The following ACTR3C variants were observed in gnomAD, a reference collection of about 807,000 sequenced individuals.
ACTR3C encodes actin-related protein 3C.
ACTR3C carries 18 observed loss-of-function variants against 26.3 expected under a neutral mutation model. The observed-to-expected ratio is 0.68, with a 90% CI of 0.47 to 1.01. The LOEUF (loss-of-function observed/expected upper bound fraction) is 1.01, where lower values mean the gene tolerates loss of function less well. Ranked by LOEUF, ACTR3C falls within the 50% of genes least tolerant of loss-of-function variation. The pLI is 0.00. For synonymous variants in ACTR3C, 55 were observed against 94.5 expected, an observed-to-expected ratio of 0.58 and a Z score of 2.42; for missense variants, 184 against 250.7, an observed-to-expected ratio of 0.73 and a Z score of 1.80.
At position 150,276,519 on chromosome 7, in the gene ACTR3C, A is replaced by G. The variant is rs1342092087; in HGVS notation, c.564+8234T>C. ...AGATTGCAATCCCAGCGAAGTCTGAACAAATCTATGTCTAAAATACGGGCT... is the reference window on the plus strand; with the variant it reads ...AGATTGCAATCCCAGCGAAGTCTGAGCAAATCTATGTCTAAAATACGGGCT... On this transcript the variant is annotated intron_variant, in intron 6 of 7. Transcript: ENST00000683684. Among the ~76,000 whole-genome samples the G allele has an allele frequency of 2.0e-5, 3 of 152,376 alleles. No homozygotes were observed. In the East Asian group the frequency reaches 5.8e-4, roughly 29 times the overall value.
chr7:150,227,701 G>GTTTTTTTTTTTTTTTTTTTTTTTTTT, the ACTR3C span, among the ~76,000 whole-genome samples: 1 of 94,244 alleles, frequency 1.1e-5, no homozygotes, highest in Admixed American at 1.0e-4. Context: ...TTTTTTTTTT[G>GTTTTTTTTTTTTTTTTTTTTTTTTTT]TTTTTTTTTT....
intron 1 of ACTR3C, chr7:150,322,818 C>G (rs1797681993): frequency 6.6e-6 from 1 of 152,282 alleles, no homozygotes; most frequent in Non-Finnish European, 1.5e-5. Flanking sequence ...ATCGGGACCC[C>G]TTTCTGATAA....
chr7:150,125,794 G>C, the ACTR3C span, among the ~76,000 whole-genome samples: 1 of 152,142 alleles, frequency 6.6e-6, no homozygotes, highest in Non-Finnish European at 1.5e-5. Context: ...AATTGAATTG[G>C]ATTCCCTGAA....
the ACTR3C span, among the ~76,000 whole-genome samples, chr7:150,035,219 T>C: frequency 4.7e-4 from 45 of 95,598 alleles, no homozygotes; most frequent in African/African-American, 1.3e-3. Context: ...GCCTCCCACC[T>C]CTGCCATGGG....
At chr7:150,016,376 C>A in the ACTR3C span, among the ~76,000 whole-genome samples, 3 of 152,070 alleles carry the variant, frequency 2.0e-5, no homozygotes, top group African/African-American at 4.8e-5. Flanking sequence ...ATAAAGAGAG[C>A]AGAAGGTAAT....
chr7:150,054,832 T>TA, the ACTR3C span, among the ~76,000 whole-genome samples: 1 of 152,266 alleles, frequency 6.6e-6, no homozygotes, highest in African/African-American at 2.4e-5. Flanking sequence ...TTCATTGTGC[T>TA]ATGTTCTAAG....
chr7:150,226,811 C>T, the ACTR3C span, among the ~76,000 whole-genome samples: 1 of 152,116 alleles, frequency 6.6e-6, no homozygotes, highest in Non-Finnish European at 1.5e-5. Flanking sequence ...TATTTACCAT[C>T]TGTGTATCTG....
chr7:150,304,650 C>G (rs1795672402), intron 1 of ACTR3C, among the ~76,000 whole-genome samples: 1 of 151,344 alleles, frequency 6.6e-6, no homozygotes, highest in Non-Finnish European at 1.5e-5. Flanking sequence ...CTCATGTTTC[C>G]CATCTTAACC....
intron 3 of ACTR3C, among the ~76,000 whole-genome samples, chr7:150,292,055 A>G (rs1038544766): frequency 1.3e-5 from 2 of 150,108 alleles, no homozygotes; most frequent in African/African-American, 5.0e-5. Context: ...TGGTATTAGT[A>G]CATCACCCCA....
chr7:150,208,992 C>T, the ACTR3C span, among the ~76,000 whole-genome samples: 1 of 151,952 alleles, frequency 6.6e-6, no homozygotes, highest in East Asian at 1.9e-4. Flanking sequence ...CTGTGCACAA[C>T]AAAAAATACA....
chr7:149,924,729 G>A, the ACTR3C span, among the ~76,000 whole-genome samples: 3 of 150,936 alleles, frequency 2.0e-5, no homozygotes, highest in Admixed American at 2.0e-4. Context: ...AGGTTCAAAC[G>A]AGTCTCCTGC....
At chr7:150,315,356 A>G (rs1416015935) in intron 1 of ACTR3C, among the ~76,000 whole-genome samples, 1 of 152,240 alleles carries the variant, frequency 6.6e-6, no homozygotes, top group East Asian at 1.9e-4. Context: ...TTCACAATCC[A>G]TATACCTGGA....
At chr7:149,914,519 G>A in the ACTR3C span, among the ~76,000 whole-genome samples, 25 of 151,470 alleles carry the variant, frequency 1.7e-4, 1 homozygote, top group Admixed American at 6.6e-5. Context: ...CGTGAGCCCT[G>A]GCGCCACTGC....
At chr7:149,970,019 G>C in the ACTR3C span, among the ~76,000 whole-genome samples, 1 of 151,960 alleles carries the variant, frequency 6.6e-6, no homozygotes, top group African/African-American at 2.4e-5. Context: ...GAAGAAAATC[G>C]GTATAACTAG....
chr7:150,093,640 T>C, the ACTR3C span, among the ~76,000 whole-genome samples: 19 of 150,094 alleles, frequency 1.3e-4, no homozygotes, highest in African/African-American at 4.0e-4. Context: ...ATAGCATGAC[T>C]AGGCTCTGTA....
chr7:150,082,471 C>A, the ACTR3C span, among the ~76,000 whole-genome samples: 23 of 152,130 alleles, frequency 1.5e-4, no homozygotes, highest in Admixed American at 1.4e-3. Flanking sequence ...AGAAAGCAAC[C>A]TCTAAGGGGA....
At chr7:150,063,961 G>T in the ACTR3C span, among the ~76,000 whole-genome samples, 4 of 151,922 alleles carry the variant, frequency 2.6e-5, no homozygotes, top group African/African-American at 9.7e-5. Flanking sequence ...CGGCAGTTTT[G>T]CTTGGAAATC....
the ACTR3C span, among the ~76,000 whole-genome samples, chr7:150,225,019 G>GTGTT: frequency 4.0e-5 from 6 of 151,138 alleles, no homozygotes; most frequent in African/African-American, 1.2e-4. Flanking sequence ...GTGTGTGTGT[G>GTGTT]TGTGTGTGTG....
the ACTR3C span, among the ~76,000 whole-genome samples, chr7:149,900,338 A>G: frequency 4.6e-5 from 7 of 151,884 alleles, no homozygotes; most frequent in Admixed American, 2.6e-4. Flanking sequence ...CACCACGCCC[A>G]GCTAATTTTT....
Sources: allele counts gnomAD v4.1 joint callset (sites outside exome capture counted in the v4.1 genomes callset), GRCh38; gene constraint gnomAD v4.1.1; transcripts MANE v1.5; gene names NCBI Gene and HGNC (gene_info 2026-07-23, HGNC 2026-07-21).